NAALADL2: variants seen among roughly 807,000 people sequenced by gnomAD.
NAALADL2 encodes the protein N-acetylated alpha-linked acidic dipeptidase like 2, also known as inactive N-acetylated-alpha-linked acidic dipeptidase-like protein 2.
In NAALADL2, 76 loss-of-function variants were observed where a neutral mutation model predicts 87.2. That is an observed-to-expected ratio of 0.87 (90% CI 0.72 to 1.05). The LOEUF is 1.05. Ranked by LOEUF, NAALADL2 falls within the 50% of genes least tolerant of loss-of-function variation. The pLI is 0.00. For missense variants in NAALADL2, 1,089 were observed against 945.8 expected, an observed-to-expected ratio of 1.15 and a Z score of -1.99; for synonymous variants, 354 against 331.0, an observed-to-expected ratio of 1.07 and a Z score of -0.75.
chr3:175,127,129 T>C (rs537819299), intron 2 of NAALADL2, among the ~76,000 whole-genome samples: 38 of 152,198 alleles, frequency 2.5e-4, no homozygotes, highest in African/African-American at 8.9e-4. Flanking sequence ...TGGGACACCG[T>C]TCACAGGAGT....
chr3:174,641,725 A>G (rs570624580), intron 2 of NAALADL2, among the ~76,000 whole-genome samples: 9 of 151,764 alleles, frequency 5.9e-5, no homozygotes, highest in Non-Finnish European at 1.3e-4. Flanking sequence ...GTTTAAGCCA[A>G]ATAGTGACTT....
At chr3:174,581,633 G>A (rs145426140) in intron 2 of NAALADL2, among the ~76,000 whole-genome samples, 3 of 152,276 alleles carry the variant, frequency 2.0e-5, no homozygotes, top group African/African-American at 7.2e-5. Context: ...ATTCTGAGCA[G>A]TGATGTGTTG....
At chr3:175,431,146 T>C (rs961455921) in intron 5 of NAALADL2, among the ~76,000 whole-genome samples, 1 of 152,056 alleles carries the variant, frequency 6.6e-6, no homozygotes, top group Non-Finnish European at 1.5e-5. Context: ...ACCTTGCAAA[T>C]GTGTCACTTC....
intron 1 of NAALADL2, among the ~76,000 whole-genome samples, chr3:174,526,244 T>A (rs1203561624): frequency 6.6e-6 from 1 of 152,188 alleles, no homozygotes; most frequent in Non-Finnish European, 1.5e-5. Context: ...GTGTAGGGCA[T>A]ACTGGCAATT....
chr3:174,827,232 T>C (rs1722097408), intron 3 of NAALADL2, among the ~76,000 whole-genome samples: 1 of 152,222 alleles, frequency 6.6e-6, no homozygotes, highest in African/African-American at 2.4e-5. Context: ...ATTAGTTTTG[T>C]ATTTGTACTG....
chr3:174,847,726 C>T (rs1335667860), intron 3 of NAALADL2, among the ~76,000 whole-genome samples: 4 of 151,506 alleles, frequency 2.6e-5, no homozygotes, highest in Admixed American at 6.6e-5. Context: ...GTTTAAACAA[C>T]GGGTGTAGAA....
At chr3:175,706,719 G>C (rs1020753373) in intron 11 of NAALADL2, among the ~76,000 whole-genome samples, 6 of 152,082 alleles carry the variant, frequency 3.9e-5, no homozygotes, top group Admixed American at 1.3e-4. Flanking sequence ...AGCAGAAGAG[G>C]GTAATTAACT....
At chr3:174,820,352 A>G (rs1175773172) in intron 3 of NAALADL2, among the ~76,000 whole-genome samples, 1 of 152,210 alleles carries the variant, frequency 6.6e-6, no homozygotes. Context: ...ATTCTCAGGA[A>G]TATGCAGGGT....
At chr3:175,771,080 A>G (rs1749421356) in intron 13 of NAALADL2, among the ~76,000 whole-genome samples, 1 of 152,202 alleles carries the variant, frequency 6.6e-6, no homozygotes, top group African/African-American at 2.4e-5. Context: ...ATTTTTCTAG[A>G]TTAACTACTA....
At chr3:175,693,295 A>G (rs1737285384) in intron 11 of NAALADL2, among the ~76,000 whole-genome samples, 1 of 152,146 alleles carries the variant, frequency 6.6e-6, no homozygotes, top group Non-Finnish European at 1.5e-5. Context: ...TTCATCTATT[A>G]CAGTGGCCTA....
At chr3:175,632,970 A>G (rs1341207745) in intron 11 of NAALADL2, among the ~76,000 whole-genome samples, 1 of 152,156 alleles carries the variant, frequency 6.6e-6, no homozygotes, top group Non-Finnish European at 1.5e-5. Flanking sequence ...TGGCTACTGC[A>G]TTTGGCAGCA....
intron 1 of NAALADL2, among the ~76,000 whole-genome samples, chr3:174,525,234 T>G (rs1720631478): frequency 6.6e-6 from 1 of 152,250 alleles, no homozygotes; most frequent in Admixed American, 6.5e-5. Flanking sequence ...TTTGTCTTTA[T>G]GACTGTGCTA....
At chr3:175,710,184 GA>G (rs1740336269) in intron 11 of NAALADL2, among the ~76,000 whole-genome samples, 1 of 142,342 alleles carries the variant, frequency 7.0e-6, no homozygotes, top group Non-Finnish European at 1.5e-5. Context: ...GAAAGAAACA[GA>G]AGGTCTGTTT....
intron 5 of NAALADL2, among the ~76,000 whole-genome samples, chr3:175,362,911 A>G (rs1469778504): frequency 6.8e-6 from 1 of 146,800 alleles, no homozygotes; most frequent in Admixed American, 7.0e-5. Context: ...TGTGGTTTTG[A>G]TTTTCATTTC....
At chr3:174,491,215 T>A (rs1718172601) in intron 1 of NAALADL2, among the ~76,000 whole-genome samples, 1 of 152,124 alleles carries the variant, frequency 6.6e-6, no homozygotes, top group South Asian at 2.1e-4. Context: ...CTCTATTCAA[T>A]CCTGTATCAT....
intron 1 of NAALADL2, among the ~76,000 whole-genome samples, chr3:174,524,158 A>G (rs1720516655): frequency 6.6e-6 from 1 of 152,196 alleles, no homozygotes; most frequent in African/African-American, 2.4e-5. Flanking sequence ...CTGAAGTATA[A>G]TTTAGCTACA....
chr3:174,976,397 C>T (rs765518553), intron 1 of NAALADL2, among the ~76,000 whole-genome samples: 5 of 152,026 alleles, frequency 3.3e-5, no homozygotes, highest in Non-Finnish European at 7.4e-5. Context: ...TAGTAGAAGT[C>T]CAATTTGTTT....
chr3:175,800,412 C>T (rs960031369), intron 13 of NAALADL2, among the ~76,000 whole-genome samples: 1 of 145,098 alleles, frequency 6.9e-6, no homozygotes, highest in African/African-American at 2.7e-5. Context: ...TCTTGCACTG[C>T]TCTATTTTCT....
At chr3:174,786,268 G>A (rs1716629667) in intron 3 of NAALADL2, among the ~76,000 whole-genome samples, 1 of 151,936 alleles carries the variant, frequency 6.6e-6, no homozygotes, top group Non-Finnish European at 1.5e-5. Flanking sequence ...GGCTAACACA[G>A]TGAAACCCCA....
Sources: allele counts gnomAD v4.1 joint callset (sites outside exome capture counted in the v4.1 genomes callset), GRCh38; gene constraint gnomAD v4.1.1; transcripts MANE v1.5; gene names NCBI Gene and HGNC (gene_info 2026-07-23, HGNC 2026-07-21).